DCLK1: variants seen among roughly 807,000 people sequenced by gnomAD.
DCLK1 encodes the protein serine/threonine-protein kinase DCLK1.
Under a neutral mutation model 86.2 loss-of-function variants are expected in DCLK1, and 16 were observed. That is an observed-to-expected ratio of 0.19 (90% CI 0.13 to 0.28). The LOEUF (loss-of-function observed/expected upper bound fraction) is 0.28. Ranked by LOEUF, DCLK1 falls within the 10% of genes least tolerant of loss-of-function variation. DCLK1 has a pLI of 1.00. For synonymous variants in DCLK1, 369 were observed against 370.5 expected (o/e 1.00, Z 0.05); for missense variants, 590 against 940.2 (o/e 0.63, Z 4.87).
chr13:35,886,433 G>A (rs1873252837), intron 4 of DCLK1, among the ~76,000 whole-genome samples: 1 of 152,192 alleles, frequency 6.6e-6, no homozygotes, highest in African/African-American at 2.4e-5. Context: ...TAGAATTAAT[G>A]ACTTCTTGGG....
chr13:36,112,337 T>C (rs1273492756), intron 2 of DCLK1, 122 bp from the exon 3 acceptor site: 2 of 657,146 alleles, frequency 3.0e-6, no homozygotes, highest in Non-Finnish European at 4.8e-6. Flanking sequence ...TTTCAAACAA[T>C]GGAAGTGTGA....
intron 11 of DCLK1, among the ~76,000 whole-genome samples, chr13:35,818,745 C>A (rs2153104332): frequency 6.6e-6 from 1 of 152,032 alleles, no homozygotes; most frequent in South Asian, 2.1e-4. Context: ...GCTAAGGGTA[C>A]AAGCTTGCCA....
intron 4 of DCLK1, among the ~76,000 whole-genome samples, chr13:35,935,497 A>G (rs9565689): frequency 0.024 from 3,652 of 152,208 alleles, 180 homozygotes; most frequent in East Asian, 0.21. Context: ...TGAGTAAAAG[A>G]CGACTCCATG....
chr13:35,941,427 A>AT (rs1315771416), intron 4 of DCLK1, among the ~76,000 whole-genome samples: 1 of 152,240 alleles, frequency 6.6e-6, no homozygotes, highest in East Asian at 1.9e-4. Flanking sequence ...ATGGTGATCC[A>AT]TAAGAGAAGC....
At chr13:35,917,502 T>A (rs952938645) in intron 4 of DCLK1, among the ~76,000 whole-genome samples, 1 of 152,000 alleles carries the variant, frequency 6.6e-6, no homozygotes, top group African/African-American at 2.4e-5. Flanking sequence ...CCGTCCTACC[T>A]CTAAACACAG....
chr13:36,053,303 A>G (rs938548700), intron 3 of DCLK1, among the ~76,000 whole-genome samples: 2 of 152,140 alleles, frequency 1.3e-5, no homozygotes, highest in African/African-American at 4.8e-5. Context: ...CGGGGCAGGT[A>G]TGTACCTTCA....
chr13:35,969,707 T>C (rs1878974497), intron 3 of DCLK1, among the ~76,000 whole-genome samples: 2 of 152,166 alleles, frequency 1.3e-5, no homozygotes, highest in Non-Finnish European at 2.9e-5. Flanking sequence ...ACTGACTCAG[T>C]TGTCAAAGGG....
At chr13:35,821,685 T>C (rs987479115) in intron 11 of DCLK1, among the ~76,000 whole-genome samples, 1 of 148,128 alleles carries the variant, frequency 6.8e-6, no homozygotes, top group African/African-American at 2.5e-5. Context: ...TATATATATA[T>C]ATATATGCAC....
At chr13:35,867,806 C>G (rs1871902039) in intron 5 of DCLK1, among the ~76,000 whole-genome samples, 1 of 142,910 alleles carries the variant, frequency 7.0e-6, no homozygotes, top group Admixed American at 7.3e-5. Flanking sequence ...AACATGTACG[C>G]AAGAATCTGA....
chr13:35,859,501 A>ATCCC lies in DCLK1; in HGVS notation c.941-4912_941-4909dup, dbSNP rs565977249. ...AAATCTCACTGCAGAGCTGACTTCT[A>ATCCC]TCCCTCCCGACGGTACATGACCCTC... On this transcript the variant is annotated intron_variant, in intron 5 of 16. Coordinates refer to ENST00000360631, the MANE Select transcript of DCLK1 (RefSeq NM_001330071.2). Among the ~76,000 whole-genome samples the ATCCC allele has an allele frequency of 2.6e-5, 4 of 152,308 alleles. No homozygotes were observed. The East Asian group carries it at 7.7e-4, about 29-fold the overall frequency.
At chr13:36,037,960 A>G (rs1467559183) in intron 3 of DCLK1, among the ~76,000 whole-genome samples, 1 of 152,336 alleles carries the variant, frequency 6.6e-6, no homozygotes, top group East Asian at 1.9e-4. Context: ...AGACACATTA[A>G]GACTTTTAAG....
intron 3 of DCLK1, among the ~76,000 whole-genome samples, chr13:35,997,712 T>A (rs912518330): frequency 6.6e-6 from 1 of 152,166 alleles, no homozygotes; most frequent in Non-Finnish European, 1.5e-5. Context: ...ATAAAAGAAC[T>A]TCCCCCCAAA....
chr13:35,861,507 C>T (rs1395011942), intron 5 of DCLK1, among the ~76,000 whole-genome samples: 2 of 152,156 alleles, frequency 1.3e-5, no homozygotes, highest in Non-Finnish European at 2.9e-5. Context: ...CCAAAAATCA[C>T]ACTCCCAGAC....
At chr13:36,008,662 T>C (rs1881137700) in intron 3 of DCLK1, among the ~76,000 whole-genome samples, 1 of 145,192 alleles carries the variant, frequency 6.9e-6, no homozygotes, top group Non-Finnish European at 1.5e-5. Context: ...TTTGCTATTG[T>C]GAATAATGCC....
chr13:35,915,043 C>A (rs1875326985), intron 4 of DCLK1, among the ~76,000 whole-genome samples: 1 of 152,156 alleles, frequency 6.6e-6, no homozygotes, highest in African/African-American at 2.4e-5. Flanking sequence ...TTGAAATCTA[C>A]TAAATGTATC....
chr13:35,808,486 A>G, intron 13 of DCLK1, 166 bp from the exon 14 acceptor site: 1 of 695,726 alleles, frequency 1.4e-6, no homozygotes, highest in Admixed American at 2.7e-5. Flanking sequence ...TTGGTAAATT[A>G]AGAAAGAGTT....
At chr13:35,965,283 T>A (rs1878671142) in intron 3 of DCLK1, among the ~76,000 whole-genome samples, 1 of 152,178 alleles carries the variant, frequency 6.6e-6, no homozygotes, top group African/African-American at 2.4e-5. Context: ...ATCTCTACTC[T>A]GTTTGATCAA....
intron 16 of DCLK1, 54 bp downstream of exon 16, chr13:35,793,312 C>G: frequency 7.0e-7 from 1 of 1,421,636 alleles, no homozygotes. Context: ...TAATGCCTGT[C>G]TCTTAGGTGG....
chr13:35,838,331 A>G (rs766333048), intron 7 of DCLK1, among the ~76,000 whole-genome samples: 5 of 152,210 alleles, frequency 3.3e-5, no homozygotes, highest in Non-Finnish European at 7.3e-5. Flanking sequence ...ATTAAATCAT[A>G]TCATTTAAAA....
Sources: allele counts gnomAD v4.1 joint callset (sites outside exome capture counted in the v4.1 genomes callset), GRCh38; gene constraint gnomAD v4.1.1; transcripts MANE v1.5; gene names NCBI Gene and HGNC (gene_info 2026-07-23, HGNC 2026-07-21).